VPS13A: variants seen among roughly 807,000 people sequenced by gnomAD.
VPS13A encodes the protein intermembrane lipid transfer protein VPS13A.
In VPS13A, 264 loss-of-function variants were observed where a neutral mutation model predicts 390.9. The observed-to-expected ratio is 0.68, with a 90% confidence interval of 0.61 to 0.75. VPS13A has a LOEUF of 0.75. Among genes scored for constraint, VPS13A ranks in the 30% least tolerant of loss-of-function variants. The pLI, the probability that VPS13A is intolerant of heterozygous loss-of-function variation, is 0.00. For synonymous variants in VPS13A, 1,231 were observed against 1,227.1 expected (o/e 1.00, Z -0.07); for missense variants, 3,409 against 3,733.9 (o/e 0.91, Z 2.27).
intron 54 of VPS13A, 30 bp downstream of exon 54, chr9:77,353,671 A>G (rs566142956): frequency 6.5e-7 from 1 of 1,550,298 alleles, no homozygotes; most frequent in South Asian, 1.1e-5. Context: ...GGATACATTT[A>G]AATGATCAGT....
At chr9:77,367,409 A>G (rs1832493014) in intron 61 of VPS13A, among the ~76,000 whole-genome samples, 1 of 152,228 alleles carries the variant, frequency 6.6e-6, no homozygotes, top group Non-Finnish European at 1.5e-5. Flanking sequence ...AGTAGCATCT[A>G]GAATTGATTA....
At chr9:77,367,305 A>G (rs563829707) in intron 61 of VPS13A, among the ~76,000 whole-genome samples, 1 of 152,306 alleles carries the variant, frequency 6.6e-6, no homozygotes, top group Admixed American at 6.5e-5. Flanking sequence ...AGGAATTTAT[A>G]TTTTAATATG....
rs187133399 is a variant in VPS13A at position 77,202,290 on chromosome 9, G to C, written c.187+883G>C. 1.5e-3 allele frequency among the ~76,000 whole-genome samples: 234 copies of C among 152,184 alleles called. 1 individual carries two copies. The highest frequency in any genetic ancestry group is 5.5e-3 in the African/African-American group (227 of 41,556). On this transcript the variant is annotated intron_variant, in intron 3 of 71. Transcript: ENST00000360280. ...CTTTTAAAGACTGTTTACTGTAAGAGGGGGAGAATGTCACCCATTTTTATC... is the reference window on the plus strand; with the variant it reads ...CTTTTAAAGACTGTTTACTGTAAGACGGGGAGAATGTCACCCATTTTTATC...
At chr9:77,291,046 C>T (rs1371199291) in intron 31 of VPS13A, among the ~76,000 whole-genome samples, 6 of 152,120 alleles carry the variant, frequency 3.9e-5, no homozygotes, top group Admixed American at 1.3e-4. Context: ...CCCCAACCCC[C>T]GGGCTGTAGA....
intron 26 of VPS13A, among the ~76,000 whole-genome samples, chr9:77,279,355 G>A (rs541602741): frequency 3.2e-4 from 49 of 152,160 alleles, no homozygotes; most frequent in Admixed American, 1.0e-3. Context: ...CCCAGCGTCC[G>A]GACGTCCACG....
chr9:77,384,641 T>G (rs769530494), intron 68 of VPS13A: 17 of 1,599,472 alleles, frequency 1.1e-5, no homozygotes, highest in Admixed American at 8.4e-5. Flanking sequence ...GTGATGATGA[T>G]GATGATGATG....
At chr9:77,209,366 A>G in intron 5 of VPS13A, 57 bp from the exon 6 acceptor site, 1 of 1,210,452 alleles carries the variant, frequency 8.3e-7, no homozygotes, top group African/African-American at 1.5e-5. Context: ...CAGTATGTGG[A>G]TATTTATAGA....
At chr9:77,268,385 C>T (rs533501483) in intron 23 of VPS13A, among the ~76,000 whole-genome samples, 8 of 152,236 alleles carry the variant, frequency 5.3e-5, no homozygotes, top group African/African-American at 1.9e-4. Flanking sequence ...TTCAGGGCTT[C>T]CTTTGGCTAT....
intron 1 of VPS13A, among the ~76,000 whole-genome samples, chr9:77,188,899 T>G (rs184615525): frequency 2.2e-4 from 34 of 152,234 alleles, no homozygotes; most frequent in African/African-American, 6.3e-4. Flanking sequence ...CCATGTTTCT[T>G]GGCCGCATGT....
At chr9:77,280,768 G>T (rs1826969878) in intron 27 of VPS13A, among the ~76,000 whole-genome samples, 1 of 152,208 alleles carries the variant, frequency 6.6e-6, no homozygotes, top group Non-Finnish European at 1.5e-5. Context: ...TTTATAATAA[G>T]AATAATGCAG....
Position 77,252,365 on chromosome 9 carries a change from TGTTTC to T in VPS13A, c.2288+14_2288+18del, listed in dbSNP as rs1336833040. 6.3e-7 allele frequency: 1 copy of T among 1,587,850 alleles called. No individual in the cohort carries two copies. The highest frequency in any genetic ancestry group is 8.6e-7 in the Non-Finnish European group (1 of 1,156,292). On this transcript the variant is annotated intron_variant, in intron 22 of 71. Transcript: ENST00000360280. The stretch of plus-strand genomic sequence containing the variant: ...TAAGGATGCCCAAGTATGTACTGTT[TGTTTC>T]ATGTGAATATGGATTTTCTGGGTAA...
chr9:77,389,458 A>G (rs1833819946), intron 68 of VPS13A, among the ~76,000 whole-genome samples: 2 of 151,952 alleles, frequency 1.3e-5, no homozygotes, highest in Admixed American at 1.3e-4. Context: ...GGCATGCACC[A>G]CTATGCCAGG....
chr9:77,408,669 T>C (rs1214813042), intron 71 of VPS13A, among the ~76,000 whole-genome samples: 1 of 152,236 alleles, frequency 6.6e-6, no homozygotes, highest in African/African-American at 2.4e-5. Flanking sequence ...CGGAGGGTCC[T>C]ACGCCCACGG....
At chr9:77,278,993 A>T (rs898391214) in intron 26 of VPS13A, among the ~76,000 whole-genome samples, 2 of 152,234 alleles carry the variant, frequency 1.3e-5, no homozygotes, top group African/African-American at 4.8e-5. Flanking sequence ...CCAGGACAGC[A>T]TCTAGGGGTA....
intron 61 of VPS13A, among the ~76,000 whole-genome samples, chr9:77,367,455 G>A (rs1832496340): frequency 6.6e-6 from 1 of 152,154 alleles, no homozygotes; most frequent in Admixed American, 6.5e-5. Context: ...AGTCCAACAC[G>A]AGGTAACACT....
intron 10 of VPS13A, among the ~76,000 whole-genome samples, chr9:77,215,749 G>A (rs1822826045): frequency 6.6e-6 from 1 of 152,250 alleles, no homozygotes. Flanking sequence ...CTTGTTGGAG[G>A]ACATAGCGTG....
intron 44 of VPS13A, 33 bp from the exon 45 acceptor site, chr9:77,323,034 A>G (rs372579005): frequency 1.3e-6 from 2 of 1,511,738 alleles, no homozygotes; most frequent in African/African-American, 2.8e-5. Context: ...ATGAATTATA[A>G]TAAAAACTTT....
At chr9:77,299,596 A>G (rs1013364978) in intron 33 of VPS13A, among the ~76,000 whole-genome samples, 3 of 152,184 alleles carry the variant, frequency 2.0e-5, no homozygotes, top group Admixed American at 1.3e-4. Flanking sequence ...CGGATTATGA[A>G]TCATTCTCCT....
At chr9:77,359,049 A>G (rs2131559807) in intron 57 of VPS13A, among the ~76,000 whole-genome samples, 1 of 152,292 alleles carries the variant, frequency 6.6e-6, no homozygotes, top group South Asian at 2.1e-4. Flanking sequence ...GTCTGGAGCA[A>G]GTCCCCAGAA....
Sources: allele counts gnomAD v4.1 joint callset (sites outside exome capture counted in the v4.1 genomes callset), GRCh38; gene constraint gnomAD v4.1.1; transcripts MANE v1.5; gene names NCBI Gene and HGNC (gene_info 2026-07-23, HGNC 2026-07-21).